Variants in RBFOX1 observed in about 807,000 individuals in gnomAD.
The protein encoded by RBFOX1 is RNA binding fox-1 homolog 1, also known as RNA binding protein fox-1 homolog 1.
A neutral mutation model predicts 57.7 loss-of-function variants in RBFOX1; 8 were observed. The ratio of observed to expected loss-of-function variants is 0.14; its 90% CI spans 0.08 to 0.25. The LOEUF (loss-of-function observed/expected upper bound fraction) is 0.25, where lower values mean the gene tolerates loss of function less well. Ranked by LOEUF, RBFOX1 falls within the 10% of genes least tolerant of loss-of-function variation. The probability of loss-of-function intolerance (pLI) is 1.00; values close to 1 mark genes in which losing one functional copy is unlikely to be tolerated. For missense variants in RBFOX1, 611 were observed against 548.5 expected (o/e 1.11, Z -1.14); for synonymous variants, 326 against 222.4 (o/e 1.47, Z -4.15).
chr16:7,217,105 CCCTTT>C (rs1392182225), intron 4 of RBFOX1, among the ~76,000 whole-genome samples: 183 of 142,768 alleles, frequency 1.3e-3, no homozygotes, highest in African/African-American at 4.6e-3. Flanking sequence ...TCCTTCCCTT[CCCTTT>C]CCTTTCCTTT....
chr16:7,632,832 C>T (rs547399021), intron 11 of RBFOX1, among the ~76,000 whole-genome samples: 1 of 152,256 alleles, frequency 6.6e-6, no homozygotes, highest in East Asian at 1.9e-4. Flanking sequence ...CCATATTGGA[C>T]AGTATGGCTC....
chr16:6,132,172 G>T (rs953039), intron 1 of RBFOX1, among the ~76,000 whole-genome samples: 143 of 152,286 alleles, frequency 9.4e-4, no homozygotes, highest in African/African-American at 3.4e-3. Flanking sequence ...CCCATGGGTG[G>T]TATGTGACTT....
chr16:6,940,763 AGT>A (rs61349150), intron 3 of RBFOX1, among the ~76,000 whole-genome samples: 10,354 of 113,452 alleles, frequency 0.091, 450 homozygotes, highest in East Asian at 0.16. Context: ...ATGTCCCGCT[AGT>A]GTGTGTGTGT....
chr16:5,245,317 T>A (rs9302799), intron 1 of RBFOX1, among the ~76,000 whole-genome samples: 5 of 152,162 alleles, frequency 3.3e-5, no homozygotes, highest in South Asian at 2.1e-4. Context: ...GGAAGTTGAC[T>A]TTGGACTCAT....
At chr16:5,343,939 G>T (rs903119447) in intron 1 of RBFOX1, among the ~76,000 whole-genome samples, 6 of 152,150 alleles carry the variant, frequency 3.9e-5, no homozygotes, top group African/African-American at 7.2e-5. Flanking sequence ...TCTCTTTCAG[G>T]ACGTGGTAAG....
intron 10 of RBFOX1, among the ~76,000 whole-genome samples, chr16:7,625,493 T>C (rs7200228): frequency 0.27 from 40,703 of 151,974 alleles, 7,734 homozygotes; most frequent in African/African-American, 0.54. Flanking sequence ...ACTTCCTGCA[T>C]GGGGGCCCCA....
At chr16:6,198,609 G>A (rs967891114) in intron 1 of RBFOX1, among the ~76,000 whole-genome samples, 5 of 152,160 alleles carry the variant, frequency 3.3e-5, no homozygotes, top group Non-Finnish European at 5.9e-5. Context: ...AACATTCCAT[G>A]CTTTTAAATA....
chr16:5,820,239 A>C (rs1428481556), intron 3 of RBFOX1, among the ~76,000 whole-genome samples: 1 of 152,212 alleles, frequency 6.6e-6, no homozygotes, highest in Non-Finnish European at 1.5e-5. Flanking sequence ...TGCAAAGTTC[A>C]TTCTCTTAAC....
chr16:6,481,397 TG>T (rs1454408226), intron 2 of RBFOX1, among the ~76,000 whole-genome samples: 2 of 152,232 alleles, frequency 1.3e-5, no homozygotes, highest in Non-Finnish European at 2.9e-5. Flanking sequence ...TGTCACGCTC[TG>T]TGATTAAATG....
At chr16:7,441,057 A>C (rs2098762194) in intron 4 of RBFOX1, among the ~76,000 whole-genome samples, 1 of 152,166 alleles carries the variant, frequency 6.6e-6, no homozygotes, top group South Asian at 2.1e-4. Flanking sequence ...AAAGAAAAAA[A>C]AAAGACAGCT....
chr16:5,928,328 C>T (rs2058977095), intron 4 of RBFOX1, among the ~76,000 whole-genome samples: 1 of 151,736 alleles, frequency 6.6e-6, no homozygotes, highest in Admixed American at 6.6e-5. Context: ...AATGATCCTC[C>T]AGCCCCTGCC....
chr16:7,508,074 C>T (rs2073953125), intron 4 of RBFOX1, among the ~76,000 whole-genome samples: 1 of 152,162 alleles, frequency 6.6e-6, no homozygotes, highest in Admixed American at 6.5e-5. Flanking sequence ...GCACACTCCA[C>T]CTCCCGGGTT....
chr16:7,131,040 T>C (rs535268153), intron 4 of RBFOX1, among the ~76,000 whole-genome samples: 1 of 152,274 alleles, frequency 6.6e-6, no homozygotes, highest in East Asian at 1.9e-4. Context: ...ATTGCCTTTT[T>C]AATCATAAGA....
chr16:6,716,700 G>C lies in RBFOX1; in HGVS notation c.-16+62050G>C, dbSNP rs547258638. Among the ~76,000 whole-genome samples, 3 of 152,258 alleles carry C rather than the reference G, an allele frequency of 2.0e-5. No individual in the cohort carries two copies. In the Middle Eastern group the frequency reaches 0.01, roughly 518 times the overall value. On this transcript the variant is annotated intron_variant, in intron 3 of 15. Coordinates refer to ENST00000550418, the MANE Select transcript of RBFOX1 (RefSeq NM_018723.4). ...CAGCATTTTCCATTCCTCTGGCCTTGATGTTTGGTTCACCAGTGGGCATGT... is the reference window on the plus strand; with the variant it reads ...CAGCATTTTCCATTCCTCTGGCCTTCATGTTTGGTTCACCAGTGGGCATGT...
chr16:6,806,498 C>T (rs771897144), intron 3 of RBFOX1, among the ~76,000 whole-genome samples: 3 of 151,862 alleles, frequency 2.0e-5, no homozygotes, highest in Non-Finnish European at 4.4e-5. Context: ...CCTATTCTGA[C>T]CAGTAAATAA....
chr16:6,923,544 A>C (rs2074948231), intron 3 of RBFOX1, among the ~76,000 whole-genome samples: 2 of 152,044 alleles, frequency 1.3e-5, no homozygotes, highest in African/African-American at 4.8e-5. Context: ...AAAATAAATA[A>C]ATAAAAAGAT....
At chr16:6,138,996 G>C (rs12933278) in intron 1 of RBFOX1, among the ~76,000 whole-genome samples, 11,373 of 152,270 alleles carry the variant, frequency 0.075, 512 homozygotes, top group African/African-American at 0.11. Context: ...TCAGGAGGCA[G>C]AGATTGTGGG....
At chr16:5,438,088 C>T (rs1398504853) in intron 1 of RBFOX1, among the ~76,000 whole-genome samples, 1 of 152,182 alleles carries the variant, frequency 6.6e-6, no homozygotes, top group African/African-American at 2.4e-5. Flanking sequence ...TCATCTATAA[C>T]ATTGGCACAT....
intron 1 of RBFOX1, among the ~76,000 whole-genome samples, chr16:6,306,176 T>C (rs900840797): frequency 3.9e-5 from 6 of 152,206 alleles, no homozygotes; most frequent in Non-Finnish European, 7.3e-5. Context: ...CAAATGCTTA[T>C]GTTTTCCTGT....
Sources: gnomAD v4.1 joint callset for allele counts (sites outside exome capture counted in the v4.1 genomes callset) on GRCh38, gnomAD v4.1.1 for gene constraint, MANE v1.5 for transcripts, NCBI Gene and HGNC (gene_info 2026-07-23, HGNC 2026-07-21) for gene names.